The following ZNF98 variants were observed in gnomAD, a reference collection of about 807,000 sequenced individuals.
ZNF98 encodes zinc finger protein 98.
In ZNF98, 8 loss-of-function variants were observed where a neutral mutation model predicts 12.8. The observed-to-expected ratio is 0.63, with a 90% CI of 0.37 to 1.13. The LOEUF is 1.13. ZNF98 is among the 50% of genes most tolerant of loss of function. The probability of loss-of-function intolerance (pLI) is 0.01; values close to 1 mark genes in which losing one functional copy is unlikely to be tolerated. For missense variants in ZNF98, 379 were observed against 666.1 expected (o/e 0.57, Z 4.74); for synonymous variants, 112 against 223.5 (o/e 0.50, Z 4.45).
At chr19:22,395,178 G>GA (rs71180538) in intron 3 of ZNF98, among the ~76,000 whole-genome samples, 35,113 of 100,744 alleles carry the variant, frequency 0.35, 5,656 homozygotes, top group Non-Finnish European at 0.43. Context: ...GTTTCAAAAA[G>GA]AAAAAAAAAA....
chr19:22,401,328 G>T (rs1332596886), intron 3 of ZNF98, among the ~76,000 whole-genome samples: 2 of 151,976 alleles, frequency 1.3e-5, no homozygotes, highest in East Asian at 3.9e-4. Flanking sequence ...ACAAAAGAGA[G>T]ACAGAAAGCA....
At chr19:22,422,154 C>T in intron 1 of ZNF98, 41 bp downstream of exon 1, 1 of 1,612,240 alleles carries the variant, frequency 6.2e-7, no homozygotes, top group Non-Finnish European at 8.5e-7. Context: ...TTCCAACCAG[C>T]CCCTTCTCCT....
At position 22,392,590 on chromosome 19, in the gene ZNF98, A is replaced by T. The variant is rs2145105592; in HGVS notation, c.645T>A (p.Cys215Ter). ...SGEKPYKCKE[C>*]GKAYNEASNL... is the part of the protein sequence containing the mutation. ...TTGAGGCCTCATTATAGGCTTTCCC[A>T]CATTCTTTACATTTGTAGGGTTTCT... is the stretch of plus-strand genomic sequence containing the variant. Residue 215 changes from cysteine to a stop codon, truncating the protein, a stop_gained, in exon 4 of 4, where the codon TGT becomes TGA. Coordinates refer to ENST00000357774, the MANE Select transcript of ZNF98 (RefSeq NM_001098626.2). LOFTEE classifies it low-confidence loss of function (END_TRUNC). 6.2e-7 allele frequency: 1 copy of T among 1,609,816 alleles called. No individual in the cohort carries two copies. Among genetic ancestry groups the T allele is most frequent in the Non-Finnish European group, 8.5e-7 (1 of 1,177,756 alleles).
At chr19:22,393,271 T>G (rs1166702665) in intron 3 of ZNF98, among the ~76,000 whole-genome samples, 28 of 152,194 alleles carry the variant, frequency 1.8e-4, no homozygotes. Context: ...TGCTTCCCTA[T>G]ATAACATAGT....
At chr19:22,403,308 C>G in intron 2 of ZNF98, 78 bp downstream of exon 2, 1 of 1,451,938 alleles carries the variant, frequency 6.9e-7, no homozygotes, top group Non-Finnish European at 9.1e-7. Context: ...CATAAACTAC[C>G]AAAAAAACCA....
At chr19:22,400,789 C>T (rs1969446840) in intron 3 of ZNF98, among the ~76,000 whole-genome samples, 1 of 150,918 alleles carries the variant, frequency 6.6e-6, no homozygotes, top group Admixed American at 6.6e-5. Context: ...CCCATCTCTA[C>T]TAAAAATATA....
intron 3 of ZNF98, among the ~76,000 whole-genome samples, chr19:22,395,001 T>C (rs1969373797): frequency 6.6e-6 from 1 of 151,766 alleles, no homozygotes; most frequent in Admixed American, 6.6e-5. Flanking sequence ...AGTGAAACCC[T>C]GTCTCTACTA....
chr19:22,414,232 C>CAAAAAAAAAAAA (rs57966582), intron 1 of ZNF98, among the ~76,000 whole-genome samples: 4 of 89,382 alleles, frequency 4.5e-5, no homozygotes, highest in African/African-American at 2.5e-4. Flanking sequence ...GACTCCATCT[C>CAAAAAAAAAAAA]AAAAAAAAAA....
At chr19:22,408,917 A>G (rs1430616362) in intron 1 of ZNF98, among the ~76,000 whole-genome samples, 1 of 152,210 alleles carries the variant, frequency 6.6e-6, no homozygotes, top group Non-Finnish European at 1.5e-5. Flanking sequence ...AACATTCTTC[A>G]CAGAATTAGA....
chr19:22,412,069 C>G (rs554638715), intron 1 of ZNF98, among the ~76,000 whole-genome samples: 2 of 152,190 alleles, frequency 1.3e-5, no homozygotes, highest in African/African-American at 2.4e-5. Flanking sequence ...CCTGACTAAA[C>G]AGTCTTAATA....
chr19:22,401,727 C>T (rs868683772), intron 3 of ZNF98, among the ~76,000 whole-genome samples: 2 of 151,162 alleles, frequency 1.3e-5, no homozygotes, highest in Non-Finnish European at 3.0e-5. Flanking sequence ...TCAGGTGATC[C>T]ACCTGCCTCA....
At chr19:22,415,769 T>G (rs1352459458) in intron 1 of ZNF98, among the ~76,000 whole-genome samples, 1 of 150,268 alleles carries the variant, frequency 6.7e-6, no homozygotes, top group African/African-American at 2.5e-5. Flanking sequence ...CTGGACAACA[T>G]AGTGAGAACC....
intron 2 of ZNF98, 66 bp downstream of exon 2, chr19:22,403,320 T>C: frequency 6.6e-7 from 1 of 1,517,128 alleles, no homozygotes. Context: ...AAAAAACCAT[T>C]CTACAAAAAA....
chr19:22,420,011 A>C (rs1969686706), intron 1 of ZNF98, among the ~76,000 whole-genome samples: 1 of 152,014 alleles, frequency 6.6e-6, no homozygotes, highest in African/African-American at 2.4e-5. Flanking sequence ...CCAAAAAAAA[A>C]AATTAGCTGG....
chr19:22,413,560 G>A (rs1278867673), intron 1 of ZNF98, among the ~76,000 whole-genome samples: 1 of 152,062 alleles, frequency 6.6e-6, no homozygotes, highest in African/African-American at 2.4e-5. Context: ...ACAACACTGT[G>A]AAAACACTGC....
intron 1 of ZNF98, among the ~76,000 whole-genome samples, chr19:22,416,606 A>G (rs1268537172): frequency 4.6e-5 from 7 of 151,070 alleles, no homozygotes; most frequent in Non-Finnish European, 7.4e-5. Context: ...TATAAAAATT[A>G]GCCAGGCCTG....
At chr19:22,397,608 G>C (rs1969412111) in intron 3 of ZNF98, among the ~76,000 whole-genome samples, 1 of 149,020 alleles carries the variant, frequency 6.7e-6, no homozygotes, top group South Asian at 2.2e-4. Flanking sequence ...AAAAAAATCT[G>C]AAAAATTAAC....
intron 1 of ZNF98, among the ~76,000 whole-genome samples, chr19:22,404,939 T>C (rs1244815927): frequency 6.6e-6 from 1 of 152,148 alleles, no homozygotes; most frequent in Non-Finnish European, 1.5e-5. Context: ...TACTACGGAC[T>C]CCAGCTTTTC....
Position 22,413,458 on chromosome 19 carries a change from C to T in ZNF98, c.30+8737G>A, listed in dbSNP as rs1969602861. 2.6e-5 allele frequency among the ~76,000 whole-genome samples: 4 copies of T among 152,146 alleles called. No individual in the cohort carries two copies. In the South Asian group the frequency reaches 8.3e-4, roughly 32 times the overall value. On this transcript the variant is annotated intron_variant, in intron 1 of 3. Transcript: ENST00000357774. ...AAATCAAAAACATGCACGCCAAAAGCCAAATGAAAAACGGAATCCAATTCA... is the reference window on the plus strand; with the variant it reads ...AAATCAAAAACATGCACGCCAAAAGTCAAATGAAAAACGGAATCCAATTCA...
Sources: allele counts gnomAD v4.1 joint callset (sites outside exome capture counted in the v4.1 genomes callset), GRCh38; gene constraint gnomAD v4.1.1; transcripts MANE v1.5; gene names NCBI Gene and HGNC (gene_info 2026-07-23, HGNC 2026-07-21).